The following NR6A1 variants were observed in gnomAD, a reference collection of about 807,000 sequenced individuals.
NR6A1 encodes nuclear receptor subfamily 6 group A member 1.
A neutral mutation model predicts 59.1 loss-of-function variants in NR6A1; 7 were observed. That is an observed-to-expected ratio of 0.12 (90% CI 0.07 to 0.22). The LOEUF is 0.22. NR6A1 is among the 10% of genes least tolerant of loss of function. NR6A1 has a pLI of 1.00. For missense variants in NR6A1, 468 were observed against 611.6 expected (o/e 0.77, Z 2.48); for synonymous variants, 243 against 236.1 (o/e 1.03, Z -0.27).
chr9:124,593,967 C>T (rs544333734), intron 2 of NR6A1, among the ~76,000 whole-genome samples: 1 of 152,288 alleles, frequency 6.6e-6, no homozygotes, highest in Non-Finnish European at 1.5e-5. Flanking sequence ...AGGCCTGCCA[C>T]AGTGAAAGCT....
At chr9:124,671,110 G>A (rs546384077) in intron 2 of NR6A1, among the ~76,000 whole-genome samples, 13 of 152,264 alleles carry the variant, frequency 8.5e-5, no homozygotes, top group East Asian at 5.8e-4. Context: ...GAACTGGAAC[G>A]AGGGGAAATG....
chr9:124,717,546 T>C (rs973929342), intron 2 of NR6A1, among the ~76,000 whole-genome samples: 3 of 152,194 alleles, frequency 2.0e-5, no homozygotes, highest in East Asian at 1.9e-4. Flanking sequence ...CCAGAAGTTA[T>C]TGCTTTTTGG....
intron 2 of NR6A1, among the ~76,000 whole-genome samples, chr9:124,596,702 C>T (rs908233602): frequency 6.6e-6 from 1 of 152,172 alleles, no homozygotes. Context: ...TGAACCACAC[C>T]AGCAGCACGC....
At chr9:124,750,429 G>A (rs906241136) in intron 1 of NR6A1, among the ~76,000 whole-genome samples, 1 of 152,078 alleles carries the variant, frequency 6.6e-6, no homozygotes, top group Non-Finnish European at 1.5e-5. Flanking sequence ...TTTGGACTTT[G>A]CTCTTCTCCT....
chr9:124,753,135 T>C (rs921138541), intron 1 of NR6A1, among the ~76,000 whole-genome samples: 2 of 152,184 alleles, frequency 1.3e-5, no homozygotes, highest in Admixed American at 6.6e-5. Context: ...AGAGAAGGCA[T>C]CATAAAACAT....
At chr9:124,535,787 G>T in intron 7 of NR6A1, 91 bp downstream of exon 7, 1 of 1,493,010 alleles carries the variant, frequency 6.7e-7, no homozygotes, top group Non-Finnish European at 9.2e-7. Flanking sequence ...GAGGTGTAGT[G>T]CCTATCCTCT....
intron 2 of NR6A1, among the ~76,000 whole-genome samples, chr9:124,571,027 T>C (rs1404005140): frequency 6.6e-6 from 1 of 152,178 alleles, no homozygotes; most frequent in Admixed American, 6.5e-5. Flanking sequence ...TCCCATAATT[T>C]AAATACAGAG....
chr9:124,746,092 A>C (rs1840326424), intron 1 of NR6A1, among the ~76,000 whole-genome samples: 1 of 152,140 alleles, frequency 6.6e-6, no homozygotes, highest in African/African-American at 2.4e-5. Flanking sequence ...CCATTCTCTA[A>C]ATGACTTTTA....
At chr9:124,643,949 G>A (rs1836850587) in intron 2 of NR6A1, among the ~76,000 whole-genome samples, 1 of 152,088 alleles carries the variant, frequency 6.6e-6, no homozygotes, top group Admixed American at 6.5e-5. Context: ...TCACCAGGCT[G>A]GGGTGCAGTG....
At chr9:124,640,100 T>C (rs542127247) in intron 2 of NR6A1, among the ~76,000 whole-genome samples, 43 of 152,346 alleles carry the variant, frequency 2.8e-4, no homozygotes, top group African/African-American at 8.2e-4. Context: ...AGAACATCCA[T>C]GGCGTCCTAG....
At chr9:124,697,861 A>C (rs1838818464) in intron 2 of NR6A1, among the ~76,000 whole-genome samples, 1 of 152,226 alleles carries the variant, frequency 6.6e-6, no homozygotes, top group South Asian at 2.1e-4. Flanking sequence ...AATCTGTGTC[A>C]TCTGTAAATA....
At chr9:124,643,780 G>A (rs1482998313) in intron 2 of NR6A1, among the ~76,000 whole-genome samples, 5 of 150,052 alleles carry the variant, frequency 3.3e-5, no homozygotes, top group Admixed American at 2.0e-4. Context: ...AAAAAAGAGA[G>A]AGAGAGAGAA....
intron 2 of NR6A1, among the ~76,000 whole-genome samples, chr9:124,643,065 G>A (rs1564214793): frequency 1.7e-5 from 2 of 120,430 alleles, no homozygotes; most frequent in Non-Finnish European, 3.2e-5. Flanking sequence ...TCTCAAGTGA[G>A]TACCAGTTAC....
At chr9:124,540,926 C>T (rs370740660) in intron 4 of NR6A1, among the ~76,000 whole-genome samples, 5 of 152,248 alleles carry the variant, frequency 3.3e-5, no homozygotes, top group African/African-American at 2.4e-5. Context: ...CCACATGCCC[C>T]GCCCCCAGCC....
chr9:124,668,200 G>A (rs376112648), intron 2 of NR6A1, among the ~76,000 whole-genome samples: 261 of 152,134 alleles, frequency 1.7e-3, no homozygotes, highest in African/African-American at 5.4e-3. Context: ...AAAATCATAA[G>A]GAACACAAAA....
intron 2 of NR6A1, among the ~76,000 whole-genome samples, chr9:124,718,801 AC>A (rs1839477382): frequency 3.1e-5 from 3 of 96,586 alleles, no homozygotes; most frequent in African/African-American, 7.3e-5. Context: ...TTAAATTGTT[AC>A]CTTTTTTTTT....
At chr9:124,602,153 A>T (rs1835468791) in intron 2 of NR6A1, among the ~76,000 whole-genome samples, 1 of 152,224 alleles carries the variant, frequency 6.6e-6, no homozygotes, top group African/African-American at 2.4e-5. Flanking sequence ...AATTTCTCAC[A>T]ATTCCCCAGT....
At chr9:124,746,523 A>C (rs1840339803) in intron 1 of NR6A1, among the ~76,000 whole-genome samples, 1 of 152,174 alleles carries the variant, frequency 6.6e-6, no homozygotes, top group Non-Finnish European at 1.5e-5. Flanking sequence ...CGGGAGGCAA[A>C]GGTTGCAGTG....
intron 1 of NR6A1, among the ~76,000 whole-genome samples, chr9:124,762,134 A>G (rs1436407410): frequency 6.6e-6 from 1 of 152,198 alleles, no homozygotes; most frequent in East Asian, 1.9e-4. Context: ...GAGTTCTCAT[A>G]TATTTATGCC....
Sources: gnomAD v4.1 joint callset for allele counts (sites outside exome capture counted in the v4.1 genomes callset) on GRCh38, gnomAD v4.1.1 for gene constraint, MANE v1.5 for transcripts, NCBI Gene and HGNC (gene_info 2026-07-23, HGNC 2026-07-21) for gene names.